Variants in FGF12 observed in about 807,000 individuals in gnomAD.
FGF12 encodes the protein fibroblast growth factor 12.
A neutral mutation model predicts 23.6 loss-of-function variants in FGF12; 14 were observed. The observed-to-expected ratio is 0.59, with a 90% CI of 0.39 to 0.93. The LOEUF (loss-of-function observed/expected upper bound fraction) is 0.93, where lower values mean the gene tolerates loss of function less well. FGF12 is among the 40% of genes least tolerant of loss of function. The pLI is 0.00. For missense variants in FGF12, 175 were observed against 217.8 expected (o/e 0.80, Z 1.24); for synonymous variants, 62 against 77.3 (o/e 0.80, Z 1.04).
chr3:192,184,419 G>A (rs1577213141), intron 4 of FGF12, among the ~76,000 whole-genome samples: 1 of 152,176 alleles, frequency 6.6e-6, no homozygotes, highest in South Asian at 2.1e-4. Flanking sequence ...CACTAGTAAT[G>A]TAAGAGCTGG....
At chr3:192,182,119 T>A (rs1716212215) in intron 4 of FGF12, among the ~76,000 whole-genome samples, 2 of 152,152 alleles carry the variant, frequency 1.3e-5, no homozygotes, top group Admixed American at 1.3e-4. Flanking sequence ...TACTGGCACA[T>A]ATAAACAACT....
chr3:192,304,629 G>A (rs544968363), intron 4 of FGF12, among the ~76,000 whole-genome samples: 7 of 152,076 alleles, frequency 4.6e-5, no homozygotes, highest in East Asian at 3.9e-4. Flanking sequence ...TATAATTATC[G>A]CATATACCAT....
chr3:192,399,123 C>CA (rs35547975), intron 2 of FGF12, among the ~76,000 whole-genome samples: 318 of 137,646 alleles, frequency 2.3e-3, no homozygotes, highest in South Asian at 9.0e-3. Context: ...CAAATATAAG[C>CA]AAAAAAAAAA....
intron 2 of FGF12, among the ~76,000 whole-genome samples, chr3:192,702,114 T>C (rs766135768): frequency 4.6e-5 from 7 of 152,368 alleles, no homozygotes; most frequent in Admixed American, 2.6e-4. Flanking sequence ...AGTGAGATCA[T>C]GCATACTTTC....
chr3:192,185,607 A>G (rs902386126), intron 4 of FGF12, among the ~76,000 whole-genome samples: 2 of 152,122 alleles, frequency 1.3e-5, no homozygotes, highest in African/African-American at 2.4e-5. Context: ...CACGCCTGTA[A>G]TGCCAGTACT....
chr3:192,486,878 G>C lies in FGF12; in HGVS notation c.14-126340C>G, dbSNP rs114125574. ...GCCAAAACTGTCTTAAAAGGAACTA[G>C]AGCCAAGACTGTGTTTACAAGTGTG... is the stretch of plus-strand genomic sequence containing the variant. On this transcript the variant is annotated intron_variant, in intron 2 of 5. Transcript: ENST00000445105. Among the ~76,000 whole-genome samples the C allele has an allele frequency of 6.5e-3, 992 of 152,230 alleles. 11 individuals carry two copies. The highest frequency in any genetic ancestry group is 0.023 in the African/African-American group (946 of 41,546).
intron 4 of FGF12, among the ~76,000 whole-genome samples, chr3:192,287,325 T>C (rs1299794969): frequency 2.0e-5 from 3 of 152,122 alleles, no homozygotes; most frequent in Non-Finnish European, 4.4e-5. Flanking sequence ...CTATTGTCTC[T>C]CCAAGTAAAT....
intron 2 of FGF12, among the ~76,000 whole-genome samples, chr3:192,495,936 T>A (rs1464798380): frequency 2.6e-5 from 4 of 152,184 alleles, no homozygotes; most frequent in African/African-American, 9.7e-5. Context: ...TTGCTGGGAT[T>A]ACAGGCATGA....
At chr3:192,305,382 G>C (rs1715566071) in intron 4 of FGF12, among the ~76,000 whole-genome samples, 1 of 151,874 alleles carries the variant, frequency 6.6e-6, no homozygotes, top group African/African-American at 2.4e-5. Flanking sequence ...ACCTTTGTTT[G>C]TGTTTTACTT....
intron 3 of FGF12, among the ~76,000 whole-genome samples, chr3:192,344,614 T>G (rs1256390171): frequency 6.6e-6 from 1 of 152,180 alleles, no homozygotes; most frequent in Non-Finnish European, 1.5e-5. Context: ...GACTAAAATT[T>G]TTCTTCTAAG....
In FGF12 at chr3:192,567,829, C is replaced by T. The variant is rs192579637; in HGVS notation, c.13+159352G>A. 1.4e-3 allele frequency among the ~76,000 whole-genome samples: 190 copies of T among 138,840 alleles called. 4 individuals carry two copies. In the South Asian group the frequency reaches 0.014, roughly 10 times the overall value. 91.1% of individuals were successfully genotyped at this position (138,840 alleles called of 152,430 possible). On this transcript the variant is annotated intron_variant, in intron 2 of 5. Transcript: ENST00000445105. ...TTTCTTTCTTTCTCTCTCTCTCTCT[C>T]TTTTCTTTCTTTCTTTCTTTTTTTC...
At chr3:192,157,284 T>C (rs932153666) in intron 5 of FGF12, among the ~76,000 whole-genome samples, 3 of 152,218 alleles carry the variant, frequency 2.0e-5, no homozygotes, top group African/African-American at 7.2e-5. Context: ...CCTGCAGTTC[T>C]GGTAACACAA....
intron 2 of FGF12, among the ~76,000 whole-genome samples, chr3:192,460,526 G>T (rs548269739): frequency 3.2e-4 from 48 of 151,856 alleles, no homozygotes; most frequent in Non-Finnish European, 5.0e-4. Flanking sequence ...CTTTAAACCC[G>T]CAAGCAGAGT....
At chr3:192,619,540 A>C (rs1245257693) in intron 2 of FGF12, among the ~76,000 whole-genome samples, 1 of 152,100 alleles carries the variant, frequency 6.6e-6, no homozygotes, top group Non-Finnish European at 1.5e-5. Context: ...CATGGCCTTT[A>C]CTGACCTCAG....
chr3:192,398,758 G>T (rs1171832061), intron 2 of FGF12, among the ~76,000 whole-genome samples: 1 of 152,154 alleles, frequency 6.6e-6, no homozygotes, highest in Admixed American at 6.5e-5. Flanking sequence ...AGAAAGAAAA[G>T]TAGATTAGGA....
chr3:192,593,467 A>T (rs1218015784), intron 2 of FGF12, among the ~76,000 whole-genome samples: 1 of 151,872 alleles, frequency 6.6e-6, no homozygotes, highest in Non-Finnish European at 1.5e-5. Flanking sequence ...ATTTCCACCC[A>T]TTGGAACATA....
rs75160888 is a variant in FGF12, at chr3:192,437,962, G to T, written c.14-77424C>A. ...GTTCTCTGAATTCTGTTCTTCTTTG[G>T]CAGTCATATCCCCTCAACTGACTAA... On this transcript the variant is annotated intron_variant, in intron 2 of 5. Coordinates refer to ENST00000445105, the MANE Select transcript of FGF12 (RefSeq NM_004113.6). Among the ~76,000 whole-genome samples the T allele has an allele frequency of 2.6e-4, 40 of 152,074 alleles. No individual in the cohort carries two copies. In the East Asian group the frequency reaches 6.0e-3, roughly 23 times the overall value.
intron 5 of FGF12, among the ~76,000 whole-genome samples, chr3:192,167,569 A>C (rs1715237848): frequency 6.6e-6 from 1 of 151,260 alleles, no homozygotes; most frequent in African/African-American, 2.4e-5. Context: ...ACTTTATATG[A>C]TTAAGCTGCT....
At chr3:192,528,833 C>T (rs915818544) in intron 2 of FGF12, among the ~76,000 whole-genome samples, 2 of 152,134 alleles carry the variant, frequency 1.3e-5, no homozygotes, top group Non-Finnish European at 2.9e-5. Context: ...TGTACATTGG[C>T]CCCTTTCAGA....
Sources: gnomAD v4.1 joint callset for allele counts (sites outside exome capture counted in the v4.1 genomes callset) on GRCh38, gnomAD v4.1.1 for gene constraint, MANE v1.5 for transcripts, NCBI Gene and HGNC (gene_info 2026-07-23, HGNC 2026-07-21) for gene names.